Variants in MACROD2 observed in about 807,000 individuals in gnomAD.
The protein encoded by MACROD2 is mono-ADP ribosylhydrolase 2.
Under a neutral mutation model 70.4 loss-of-function variants are expected in MACROD2, and 36 were observed. The observed-to-expected ratio is 0.51, with a 90% confidence interval of 0.39 to 0.68. The LOEUF is 0.68. MACROD2 is among the 30% of genes least tolerant of loss of function. The probability of loss-of-function intolerance (pLI) is 0.00; values close to 1 mark genes in which losing one functional copy is unlikely to be tolerated. For missense variants in MACROD2, 496 were observed against 538.4 expected (o/e 0.92, Z 0.78); for synonymous variants, 172 against 178.8 (o/e 0.96, Z 0.30).
chr20:15,311,341 G>A (rs2077750316), intron 6 of MACROD2, among the ~76,000 whole-genome samples: 1 of 152,142 alleles, frequency 6.6e-6, no homozygotes, highest in Non-Finnish European at 1.5e-5. Context: ...AAATAGTTAA[G>A]TAAATTACTA....
rs375468840 is a variant in MACROD2 at position 14,062,159 on chromosome 20, A to C, written c.164-23462A>C. Among the ~76,000 whole-genome samples, 6 of 152,172 alleles carry C rather than the reference A, an allele frequency of 3.9e-5. No homozygotes were observed. In the East Asian group the frequency reaches 1.2e-3, roughly 29 times the overall value. Reference sequence around the variant, plus strand: ...AAGCCTTTCTATTATTGTTCACTAAAATATTTTAAGTGATTGACTTTGAAA... The same window carrying C: ...AAGCCTTTCTATTATTGTTCACTAACATATTTTAAGTGATTGACTTTGAAA... On this transcript the variant is annotated intron_variant, in intron 2 of 17. Transcript: ENST00000684519.
At chr20:15,960,890 G>A (rs1173925792) in intron 12 of MACROD2, among the ~76,000 whole-genome samples, 1 of 152,134 alleles carries the variant, frequency 6.6e-6, no homozygotes, top group Non-Finnish European at 1.5e-5. Context: ...GGCTGTTTTT[G>A]TTCTCACTAC....
intron 3 of MACROD2, among the ~76,000 whole-genome samples, chr20:14,436,146 A>T (rs1398748038): frequency 2.0e-5 from 3 of 152,146 alleles, no homozygotes; most frequent in African/African-American, 7.2e-5. Context: ...GTGCTAAAGC[A>T]AAAGAAAAAA....
chr20:15,914,252 A>G (rs2065278914), intron 10 of MACROD2, among the ~76,000 whole-genome samples: 1 of 152,218 alleles, frequency 6.6e-6, no homozygotes, highest in African/African-American at 2.4e-5. Flanking sequence ...AAACAGCTCT[A>G]TCTATCGCAG....
chr20:15,425,930 T>C (rs952964622), intron 6 of MACROD2, among the ~76,000 whole-genome samples: 1 of 152,032 alleles, frequency 6.6e-6, no homozygotes, highest in African/African-American at 2.4e-5. Flanking sequence ...ACTGTTAGGG[T>C]CAAGACAGAG....
intron 5 of MACROD2, among the ~76,000 whole-genome samples, chr20:14,923,608 G>C (rs981550186): frequency 5.9e-5 from 9 of 151,962 alleles, no homozygotes; most frequent in Non-Finnish European, 1.3e-4. Context: ...AGAAAATCTT[G>C]TTAGTGCTAC....
At chr20:15,802,306 A>G (rs2063733425) in intron 8 of MACROD2, among the ~76,000 whole-genome samples, 1 of 152,158 alleles carries the variant, frequency 6.6e-6, no homozygotes, top group Admixed American at 6.5e-5. Flanking sequence ...TTCCCCCTTC[A>G]GTATGATGCC....
chr20:15,831,705 G>A (rs141306610), intron 8 of MACROD2, among the ~76,000 whole-genome samples: 25 of 152,124 alleles, frequency 1.6e-4, no homozygotes, highest in African/African-American at 5.8e-4. Context: ...CCAGGATTTT[G>A]TCTTCTTCCT....
chr20:15,108,815 CCTT>C (rs2075931785), intron 5 of MACROD2, among the ~76,000 whole-genome samples: 1 of 152,080 alleles, frequency 6.6e-6, no homozygotes. Flanking sequence ...CTTTTTCTGT[CCTT>C]CTCTGTGTCT....
chr20:14,030,111 C>T (rs966199615), intron 2 of MACROD2, among the ~76,000 whole-genome samples: 1 of 152,240 alleles, frequency 6.6e-6, no homozygotes. Flanking sequence ...TAGCTCACTG[C>T]AGCCTCCAAC....
chr20:14,246,961 T>C (rs1303898004), intron 3 of MACROD2, among the ~76,000 whole-genome samples: 1 of 152,192 alleles, frequency 6.6e-6, no homozygotes, highest in Non-Finnish European at 1.5e-5. Context: ...TTAACCCTAC[T>C]TGATTGAATT....
chr20:14,453,453 T>C (rs1000842116), intron 3 of MACROD2, among the ~76,000 whole-genome samples: 1 of 152,162 alleles, frequency 6.6e-6, no homozygotes, highest in African/African-American at 2.4e-5. Flanking sequence ...CTCATCTGAC[T>C]ATATAAGCAG....
intron 2 of MACROD2, among the ~76,000 whole-genome samples, chr20:14,003,292 C>T (rs1029104809): frequency 3.9e-5 from 6 of 152,130 alleles, no homozygotes; most frequent in African/African-American, 1.4e-4. Context: ...GTGAAGAGAA[C>T]ACATTGACCT....
At chr20:14,616,030 C>T (rs185041582) in intron 4 of MACROD2, among the ~76,000 whole-genome samples, 20 of 152,142 alleles carry the variant, frequency 1.3e-4, no homozygotes, top group Admixed American at 3.3e-4. Flanking sequence ...ATCCATTATC[C>T]GCAAAGGAAG....
intron 5 of MACROD2, among the ~76,000 whole-genome samples, chr20:14,963,655 C>A (rs2074604609): frequency 6.6e-6 from 1 of 152,110 alleles, no homozygotes; most frequent in South Asian, 2.1e-4. Context: ...ACTGAAAATG[C>A]CATGACAAGC....
chr20:14,006,197 T>C (rs1322820137), intron 2 of MACROD2, among the ~76,000 whole-genome samples: 2 of 152,166 alleles, frequency 1.3e-5, no homozygotes, highest in South Asian at 2.1e-4. Context: ...CTGTGTACCA[T>C]CTAGATTTTT....
At chr20:14,884,796 A>T (rs975101529) in intron 5 of MACROD2, among the ~76,000 whole-genome samples, 2 of 152,088 alleles carry the variant, frequency 1.3e-5, no homozygotes, top group Non-Finnish European at 2.9e-5. Context: ...CGTTAAAACA[A>T]TCTGTTCTCT....
intron 8 of MACROD2, among the ~76,000 whole-genome samples, chr20:15,794,843 A>G (rs1387765015): frequency 6.6e-6 from 1 of 152,188 alleles, no homozygotes; most frequent in Non-Finnish European, 1.5e-5. Flanking sequence ...CTCTCAAACC[A>G]TATGCCACTA....
At chr20:14,432,717 G>A (rs559231700) in intron 3 of MACROD2, among the ~76,000 whole-genome samples, 6 of 152,166 alleles carry the variant, frequency 3.9e-5, no homozygotes, top group African/African-American at 1.2e-4. Context: ...TCTGTCATCT[G>A]TAGTCAATGT....
Sources: allele counts gnomAD v4.1 joint callset (sites outside exome capture counted in the v4.1 genomes callset), GRCh38; gene constraint gnomAD v4.1.1; transcripts MANE v1.5; gene names NCBI Gene and HGNC (gene_info 2026-07-23, HGNC 2026-07-21).